DACH1: variants seen among roughly 807,000 people sequenced by gnomAD.
DACH1 encodes dachshund homolog 1.
In DACH1, 12 loss-of-function variants were observed where a neutral mutation model predicts 54.2. The observed-to-expected ratio is 0.22, with a 90% CI of 0.14 to 0.36. The LOEUF is 0.36. Among genes scored for constraint, DACH1 ranks in the 10% least tolerant of loss-of-function variants. The pLI, the probability that DACH1 is intolerant of heterozygous loss-of-function variation, is 1.00. For missense variants in DACH1, 805 were observed against 929.8 expected (o/e 0.87, Z 1.75); for synonymous variants, 386 against 366.2 (o/e 1.05, Z -0.62).
chr13:71,612,664 T>C (rs1875421597), intron 3 of DACH1, among the ~76,000 whole-genome samples: 1 of 152,168 alleles, frequency 6.6e-6, no homozygotes, highest in South Asian at 2.1e-4. Context: ...TATTAACGTT[T>C]TATGTTCCAG....
At chr13:71,801,072 A>G (rs1320312236) in intron 1 of DACH1, among the ~76,000 whole-genome samples, 1 of 104,596 alleles carries the variant, frequency 9.6e-6, no homozygotes, top group Non-Finnish European at 1.8e-5. Context: ...AGACAAGCAC[A>G]CAGCAGTGTT....
chr13:71,771,674 A>G (rs1245097271), intron 1 of DACH1, among the ~76,000 whole-genome samples: 2 of 151,520 alleles, frequency 1.3e-5, no homozygotes, highest in Non-Finnish European at 3.0e-5. Context: ...ATTAAGATAT[A>G]GTGTTGGTAA....
intron 3 of DACH1, among the ~76,000 whole-genome samples, chr13:71,598,151 C>G (rs529931272): frequency 6.6e-6 from 1 of 151,970 alleles, no homozygotes; most frequent in East Asian, 1.9e-4. Flanking sequence ...TATTAAGATG[C>G]ACTAGCTATA....
intron 1 of DACH1, among the ~76,000 whole-genome samples, chr13:71,817,979 T>G (rs9318035): frequency 6.6e-6 from 1 of 151,416 alleles, no homozygotes; most frequent in African/African-American, 2.4e-5. Flanking sequence ...GATGCCCCAC[T>G]AATTTTGTAT....
chr13:71,839,662 T>C (rs1220427476), intron 1 of DACH1, among the ~76,000 whole-genome samples: 1 of 152,106 alleles, frequency 6.6e-6, no homozygotes, highest in African/African-American at 2.4e-5. Flanking sequence ...CACCAAAATC[T>C]AGGGCTTCTG....
chr13:71,461,082 A>G (rs906196851), intron 10 of DACH1, among the ~76,000 whole-genome samples: 12 of 152,090 alleles, frequency 7.9e-5, no homozygotes, highest in African/African-American at 2.9e-4. Context: ...AACCCTTTAA[A>G]TTAAGGCATC....
At chr13:71,599,373 A>G (rs979005224) in intron 3 of DACH1, among the ~76,000 whole-genome samples, 1 of 152,154 alleles carries the variant, frequency 6.6e-6, no homozygotes, top group African/African-American at 2.4e-5. Flanking sequence ...GAATTATACA[A>G]CCTGAACAAT....
At chr13:71,692,911 T>C (rs193247383) in intron 1 of DACH1, among the ~76,000 whole-genome samples, 159 of 152,294 alleles carry the variant, frequency 1.0e-3, no homozygotes, top group Middle Eastern at 0.01. Flanking sequence ...ATCAACTACA[T>C]AGACAAAATC....
intron 6 of DACH1, among the ~76,000 whole-genome samples, chr13:71,550,516 T>C (rs1883743812): frequency 6.6e-6 from 1 of 152,100 alleles, no homozygotes; most frequent in Non-Finnish European, 1.5e-5. Context: ...GGCGCATGGG[T>C]AAAAAGTAAA....
chr13:71,556,654 C>T (rs1326274486), intron 6 of DACH1, among the ~76,000 whole-genome samples: 1 of 151,914 alleles, frequency 6.6e-6, no homozygotes, highest in Non-Finnish European at 1.5e-5. Flanking sequence ...CAAAAGAAGA[C>T]AGAATAATCC....
intron 1 of DACH1, among the ~76,000 whole-genome samples, chr13:71,819,207 A>G (rs1233476955): frequency 6.6e-6 from 1 of 152,200 alleles, no homozygotes; most frequent in Non-Finnish European, 1.5e-5. Context: ...CTGCTCATTA[A>G]GGCAGCAGGA....
chr13:71,605,581 CAT>C (rs1396964351), intron 3 of DACH1, among the ~76,000 whole-genome samples: 1 of 151,712 alleles, frequency 6.6e-6, no homozygotes, highest in African/African-American at 2.4e-5. Flanking sequence ...TATAATAAAA[CAT>C]GTATGCTTAT....
At chr13:71,776,867 A>T (rs1886087540) in intron 1 of DACH1, among the ~76,000 whole-genome samples, 1 of 151,974 alleles carries the variant, frequency 6.6e-6, no homozygotes, top group African/African-American at 2.4e-5. Context: ...TCAGCAAGTG[A>T]CTTCTCATCT....
At chr13:71,550,552 C>G (rs1249487546) in intron 6 of DACH1, among the ~76,000 whole-genome samples, 3 of 152,096 alleles carry the variant, frequency 2.0e-5, no homozygotes, top group Non-Finnish European at 2.9e-5. Flanking sequence ...ATATTTTATA[C>G]CAATTGCCCA....
intron 1 of DACH1, among the ~76,000 whole-genome samples, chr13:71,801,355 A>T (rs755086130): frequency 1.4e-4 from 21 of 152,154 alleles, no homozygotes; most frequent in Non-Finnish European, 2.6e-4. Context: ...ATTGACAAGC[A>T]ATTTTGCAAC....
chr13:71,557,250 C>T, intron 5 of DACH1, 92 bp from the exon 6 acceptor site: 1 of 1,035,338 alleles, frequency 9.7e-7, no homozygotes, highest in South Asian at 2.2e-5. Context: ...CTCTTGGACT[C>T]AACAGTAACT....
intron 1 of DACH1, among the ~76,000 whole-genome samples, chr13:71,719,090 C>T (rs1303643782): frequency 6.8e-6 from 1 of 146,148 alleles, no homozygotes; most frequent in Non-Finnish European, 1.5e-5. Flanking sequence ...TCACCCCAGA[C>T]ATCTACACAT....
intron 2 of DACH1, among the ~76,000 whole-genome samples, chr13:71,654,468 A>ATAAAATAAAGTAAAG (rs1878945245): frequency 9.6e-6 from 1 of 104,628 alleles, no homozygotes; most frequent in African/African-American, 6.1e-5. Flanking sequence ...GTAAAATAAA[A>ATAAAATAAAGTAAAG]TAAAATAAAA....
At chr13:71,531,804 A>G (rs1882434384) in intron 6 of DACH1, among the ~76,000 whole-genome samples, 1 of 151,986 alleles carries the variant, frequency 6.6e-6, no homozygotes, top group South Asian at 2.1e-4. Flanking sequence ...AAAATGAAAA[A>G]CACAGGCTCA....
Sources: gnomAD v4.1 joint callset for allele counts (sites outside exome capture counted in the v4.1 genomes callset) on GRCh38, gnomAD v4.1.1 for gene constraint, MANE v1.5 for transcripts, NCBI Gene and HGNC (gene_info 2026-07-23, HGNC 2026-07-21) for gene names.